PRCD: variants seen among roughly 807,000 people sequenced by gnomAD.
PRCD encodes the protein photoreceptor disc component.
In PRCD, 12 loss-of-function variants were observed where a neutral mutation model predicts 10.1. That is an observed-to-expected ratio of 1.18 (90% CI 0.76 to 1.92). PRCD has a LOEUF of 1.92. Ranked by LOEUF, PRCD falls within the 40% of genes most tolerant of loss-of-function variation. The pLI is 0.00. For synonymous variants in PRCD, 31 were observed against 26.2 expected, an observed-to-expected ratio of 1.18 and a Z score of -0.56; for missense variants, 61 against 72.2, an observed-to-expected ratio of 0.84 and a Z score of 0.56.
At chr17:76,527,615 AGGGTG>A, upstream of PRCD, 1 of 453,056 alleles carries the variant, frequency 2.2e-6, no homozygotes, top group Non-Finnish European at 4.4e-6. Context: ...GGCCAGGAGG[AGGGTG>A]GGGTGGGGAA....
chr17:76,545,761 G>T, downstream of PRCD: 1 of 231,342 alleles, frequency 4.3e-6, no homozygotes, highest in South Asian at 6.1e-5. Flanking sequence ...AGCATGTTGG[G>T]TAAGTGTCCC....
At chr17:76,538,587 G>A, upstream of PRCD, 1 of 439,710 alleles carries the variant, frequency 2.3e-6, no homozygotes, top group Admixed American at 2.6e-5. Flanking sequence ...AGGGCAGACA[G>A]GACCTGGCAG....
chr17:76,540,888 G>GCT lies in PRCD; in HGVS notation c.143+318_143+319dup, dbSNP rs1272238115. On this transcript the variant is annotated intron_variant, in intron 2 of 4. Coordinates refer to ENST00000592014, the MANE Select transcript of PRCD (RefSeq NM_001077620.3). The surrounding 1 kb of genome is among the most constrained non-coding windows in gnomAD (Gnocchi z 5.0). ...TGGAAGGAGGGATGAGGCAGGAGTAGCTCTGTGTGGCTTTGCTCGCCTTTC... is the reference window on the plus strand; with the variant it reads ...TGGAAGGAGGGATGAGGCAGGAGTAGCTCTCTGTGTGGCTTTGCTCGCCTTTC... Among the ~76,000 whole-genome samples, 1 of 152,218 alleles carries GCT rather than the reference G, an allele frequency of 6.6e-6. No individual in the cohort carries two copies. Among genetic ancestry groups the GCT allele is most frequent in the Admixed American group, 6.5e-5 (1 of 15,286 alleles).
Position 76,531,206 on chromosome 17 carries a change from C to A in PRCD, n.45+3373C>A. The A allele has an allele frequency of 6.6e-7, 1 of 1,517,432 alleles. No homozygotes were observed. 94.0% of individuals were successfully genotyped at this position (1,517,432 alleles called of 1,614,324 possible). ...CGCCCTGCGTCCTGCAACCCCCAGG[C>A]CCCTCCGCCCCACGTGTGGCCGAGA... On this transcript the variant is annotated intron_variant and non_coding_transcript_variant, in intron 1 of 4. Transcript: ENST00000397633. This position sits in a 1 kb window ranked among gnomAD's most constrained non-coding sequence, Gnocchi z 7.4.
intron 2 of PRCD, among the ~76,000 whole-genome samples, chr17:76,541,832 T>G (rs1387979467): frequency 6.6e-6 from 1 of 152,142 alleles, no homozygotes; most frequent in Non-Finnish European, 1.5e-5. Flanking sequence ...ATGGAAAGAC[T>G]ATGGGGGAAA....
intron 3 of PRCD, 54 bp downstream of exon 3, chr17:76,542,687 G>A (rs1406909674): frequency 3.5e-6 from 4 of 1,150,334 alleles, no homozygotes; most frequent in African/African-American, 1.5e-5. Flanking sequence ...GGGACAGGCA[G>A]GAAGCAACAG....
At chr17:76,534,802 T>C (rs1287556341) in intron 1 of PRCD, among the ~76,000 whole-genome samples, 1 of 152,032 alleles carries the variant, frequency 6.6e-6, no homozygotes, top group Non-Finnish European at 1.5e-5. Context: ...CACCACCGGG[T>C]TGTGGCCCTG....
At position 76,544,540 on chromosome 17, in the gene PRCD, A is replaced by C. The variant is rs1181687142; in HGVS notation, c.*890A>C. On this transcript the variant is annotated 3_prime_UTR_variant, in exon 5 of 5. Transcript: ENST00000592014. ...AGTAGGGCAGGCAGGAGGCAGGGGG[A>C]AAGTCACACTAGGGAAGGAGCCTGC... The C allele has an allele frequency of 2.2e-6, 1 of 456,426 alleles. No homozygotes were observed. Among genetic ancestry groups the C allele is most frequent in the Non-Finnish European group, 4.4e-6 (1 of 226,972 alleles). 28.3% of individuals were successfully genotyped at this position (456,426 alleles called of 1,614,324 possible). A position where few individuals can be genotyped will look rare whatever the true frequency, so the allele number is the denominator to read the frequency against.
At chr17:76,545,423 G>C (rs769949866), downstream of PRCD, 2 of 455,408 alleles carry the variant, frequency 4.4e-6, no homozygotes, top group East Asian at 1.4e-4. Context: ...GCAAAGAGCC[G>C]CTGCTTGGGA....
upstream of PRCD, chr17:76,537,318 C>T: frequency 7.2e-7 from 1 of 1,398,500 alleles, no homozygotes. Context: ...CGCTGGAGCT[C>T]GGACCCGGGC....
In PRCD at chr17:76,534,146, T is replaced by TTCTCTCTCTCTCTCTCTCTC. The variant is rs71158013; in HGVS notation, n.45+6325_46-6328dup. ...TCTTTCTTTCTCTCTCTCTTTCTCT[T>TTCTCTCTCTCTCTCTCTCTC]TCTCTCTCTCTCTCTCTCTCTCTCT... On this transcript the variant is annotated intron_variant and non_coding_transcript_variant, in intron 1 of 4. Coordinates refer to the PRCD transcript ENST00000397633. Among the ~76,000 whole-genome samples, 206 of 128,964 alleles carry TTCTCTCTCTCTCTCTCTCTC rather than the reference T, an allele frequency of 1.6e-3. 2 individuals carry two copies. The highest frequency in any genetic ancestry group is 2.5e-3 in the South Asian group (9 of 3,578). 84.6% of individuals were successfully genotyped at this position (128,964 alleles called of 152,430 possible). A position where few individuals can be genotyped will look rare whatever the true frequency, so the allele number is the denominator to read the frequency against.
Position 76,544,405 on chromosome 17 carries a change from G to A in PRCD, c.*755G>A, listed in dbSNP as rs771235070. Reference sequence around the variant, plus strand: ...GCCGCAGAGCAGAGGGAACCGCTGGGGAGGCGCTCAGGGTGGGGGAGGAGG... The same window carrying A: ...GCCGCAGAGCAGAGGGAACCGCTGGAGAGGCGCTCAGGGTGGGGGAGGAGG... On this transcript the variant is annotated 3_prime_UTR_variant, in exon 5 of 5. Transcript: ENST00000592014. 3 of 454,836 alleles carry A rather than the reference G, an allele frequency of 6.6e-6. No individual in the cohort carries two copies. The highest frequency in any genetic ancestry group is 4.7e-5 in the South Asian group (3 of 64,492). 28.2% of individuals were successfully genotyped at this position (454,836 alleles called of 1,614,324 possible).
downstream of PRCD, among the ~76,000 whole-genome samples, chr17:76,549,462 A>G (rs991537870): frequency 6.6e-6 from 1 of 152,262 alleles, no homozygotes; most frequent in African/African-American, 2.4e-5. Flanking sequence ...GAGTGGTTAC[A>G]GCTGAAGGCC....
At position 76,530,907 on chromosome 17, in the gene PRCD, T is replaced by C. The variant is rs1323710479; in HGVS notation, n.45+3074T>C. ...TGATCAGCCCCAGGGCCTCAGGAGA[T>C]ATGGGAGACCTCGGGGACAGCAGAG... On this transcript the variant is annotated intron_variant and non_coding_transcript_variant, in intron 1 of 4. Coordinates refer to the PRCD transcript ENST00000397633. The surrounding 1 kb of genome is among the most constrained non-coding windows in gnomAD (Gnocchi z 6.1). 5 of 1,470,450 alleles carry C rather than the reference T, an allele frequency of 3.4e-6. No individual in the cohort carries two copies. The highest frequency in any genetic ancestry group is 4.5e-6 in the Non-Finnish European group (5 of 1,098,984). 91.1% of individuals were successfully genotyped at this position (1,470,450 alleles called of 1,614,324 possible). A position where few individuals can be genotyped will look rare whatever the true frequency, so the allele number is the denominator to read the frequency against.
chr17:76,536,404 C>A (rs2074914323), upstream of PRCD, among the ~76,000 whole-genome samples: 1 of 152,130 alleles, frequency 6.6e-6, no homozygotes, highest in South Asian at 2.1e-4. Flanking sequence ...ACAAGGCTGC[C>A]CTGCTCTGTC....
In PRCD at chr17:76,542,702, G is replaced by A. The variant is rs1469009338; in HGVS notation, c.*59+69G>A. 5.7e-5 allele frequency: 57 copies of A among 1,001,706 alleles called. 1 individual carries two copies. Among genetic ancestry groups the A allele is most frequent in the Non-Finnish European group, 7.9e-6 (5 of 632,546 alleles). 62.1% of individuals were successfully genotyped at this position (1,001,706 alleles called of 1,614,324 possible). A position where few individuals can be genotyped will look rare whatever the true frequency, so the allele number is the denominator to read the frequency against. ...GGGACAGGCAGGAAGCAACAGGCAA[G>A]TCCCGGCCATGTGGGAGGATAGCAG... is the stretch of plus-strand genomic sequence containing the variant. On this transcript the variant is annotated intron_variant, in intron 3 of 4. Transcript: ENST00000592014.
upstream of PRCD, chr17:76,540,013 C>T: frequency 1.0e-6 from 1 of 979,772 alleles, no homozygotes; most frequent in Non-Finnish European, 1.6e-6. The surrounding 1 kb of genome is among the most constrained non-coding windows in gnomAD (Gnocchi z 5.0). Context: ...GCTTGAGCCT[C>T]CTAATCCATC....
intron 1 of PRCD, chr17:76,527,834 G>T: frequency 2.2e-6 from 1 of 453,574 alleles, no homozygotes; most frequent in Non-Finnish European, 4.4e-6. Context: ...AGGACAGCCG[G>T]TGAGTCAGTT....
chr17:76,530,965 G>A lies in PRCD; in HGVS notation n.45+3132G>A, dbSNP rs767965936. 1.3e-4 allele frequency: 197 copies of A among 1,565,036 alleles called. No homozygotes were observed. The Middle Eastern group carries it at 1.3e-3, about 10-fold the overall frequency. ...CGGGGAGGCTGCCCAGCCCACCCTC[G>A]CCCGCCTCCTCACGTGGTGGCGTTG... On this transcript the variant is annotated intron_variant and non_coding_transcript_variant, in intron 1 of 4. Transcript: ENST00000397633. This position sits in a 1 kb window ranked among gnomAD's most constrained non-coding sequence, Gnocchi z 6.1.
Sources: gnomAD v4.1 joint callset for allele counts (sites outside exome capture counted in the v4.1 genomes callset) on GRCh38, gnomAD v4.1.1 for gene constraint, Gnocchi (gnomAD v3.1) non-coding constraint, MANE v1.5 for transcripts, NCBI Gene and HGNC (gene_info 2026-07-23, HGNC 2026-07-21) for gene names.